The following STAU2 variants were observed in gnomAD, a reference collection of about 807,000 sequenced individuals.
STAU2 encodes staufen double-stranded RNA binding protein 2.
In STAU2, 20 loss-of-function variants were observed where a neutral mutation model predicts 65.9. The observed-to-expected ratio is 0.30, with a 90% CI of 0.21 to 0.44. STAU2 has a LOEUF of 0.44. Among genes scored for constraint, STAU2 ranks in the 20% least tolerant of loss-of-function variants. STAU2 has a pLI of 1.00. For synonymous variants in STAU2, 232 were observed against 233.9 expected, an observed-to-expected ratio of 0.99 and a Z score of 0.07; for missense variants, 558 against 683.9, an observed-to-expected ratio of 0.82 and a Z score of 2.05.
intron 11 of STAU2, among the ~76,000 whole-genome samples, chr8:73,591,883 A>T (rs1160574422): frequency 3.8e-3 from 65 of 17,280 alleles, no homozygotes; most frequent in Non-Finnish European, 5.2e-3. Flanking sequence ...TCCCAGAGGT[A>T]AAAAAAAAAA....
At chr8:73,656,558 A>G (rs867973907) in intron 6 of STAU2, among the ~76,000 whole-genome samples, 1 of 152,360 alleles carries the variant, frequency 6.6e-6, no homozygotes, top group Middle Eastern at 3.4e-3. Flanking sequence ...TGTTTCCCTT[A>G]GCAGTTTAAT....
chr8:73,556,446 G>C (rs1442491094), intron 12 of STAU2, among the ~76,000 whole-genome samples: 2 of 152,004 alleles, frequency 1.3e-5, no homozygotes, highest in Non-Finnish European at 2.9e-5. Context: ...TTCCTATTTT[G>C]GTATTGGAAA....
intron 6 of STAU2, among the ~76,000 whole-genome samples, chr8:73,659,523 G>A (rs1816666085): frequency 6.6e-6 from 1 of 152,106 alleles, no homozygotes; most frequent in African/African-American, 2.4e-5. Context: ...GGCAACAAGA[G>A]CGAAACTCTG....
At chr8:73,658,626 A>G (rs1244370017) in intron 6 of STAU2, among the ~76,000 whole-genome samples, 2 of 152,000 alleles carry the variant, frequency 1.3e-5, no homozygotes, top group Non-Finnish European at 2.9e-5. Flanking sequence ...TTTAAAAACC[A>G]TACTTATGCC....
intron 9 of STAU2, among the ~76,000 whole-genome samples, chr8:73,605,173 T>C (rs1811917731): frequency 6.6e-6 from 1 of 152,064 alleles, no homozygotes; most frequent in South Asian, 2.1e-4. Context: ...ATATAGTATA[T>C]TTTATGTAAA....
At chr8:73,601,623 C>CT (rs1309406022) in intron 10 of STAU2, among the ~76,000 whole-genome samples, 1 of 152,120 alleles carries the variant, frequency 6.6e-6, no homozygotes, top group Non-Finnish European at 1.5e-5. Context: ...TGCTGCAATA[C>CT]TGTAATGAAT....
intron 7 of STAU2, 37 bp from the exon 8 acceptor site, chr8:73,615,819 C>T (rs375382782): frequency 6.8e-7 from 1 of 1,475,522 alleles, no homozygotes; most frequent in South Asian, 1.1e-5. Flanking sequence ...TGAATCTTGA[C>T]ATTATAACAA....
intron 4 of STAU2, among the ~76,000 whole-genome samples, chr8:73,702,366 G>A (rs1820172575): frequency 6.6e-6 from 1 of 152,072 alleles, no homozygotes; most frequent in African/African-American, 2.4e-5. Context: ...TGGGGTCTCA[G>A]GTACAAAGAG....
At chr8:73,582,132 T>C (rs1014031028) in intron 12 of STAU2, among the ~76,000 whole-genome samples, 8 of 152,194 alleles carry the variant, frequency 5.3e-5, no homozygotes, top group African/African-American at 1.9e-4. Context: ...TCATATACAT[T>C]TGAAAAAAAT....
chr8:73,551,524 G>A (rs1279876186), intron 13 of STAU2: 1 of 987,136 alleles, frequency 1.0e-6, no homozygotes, highest in African/African-American at 1.7e-5. Flanking sequence ...CTTCTAGAAT[G>A]TTGTATCTTA....
intron 6 of STAU2, among the ~76,000 whole-genome samples, chr8:73,669,804 T>C (rs1817538047): frequency 6.6e-6 from 1 of 152,206 alleles, no homozygotes; most frequent in Non-Finnish European, 1.5e-5. Context: ...CAGGGATTAG[T>C]GTCTGACTTT....
At chr8:73,463,551 T>C (rs1287306212) in intron 13 of STAU2, among the ~76,000 whole-genome samples, 4 of 152,268 alleles carry the variant, frequency 2.6e-5, no homozygotes, top group Non-Finnish European at 5.9e-5. Flanking sequence ...TAAGTTTTTC[T>C]AAGTGCTCAA....
At chr8:73,504,890 T>C (rs1821975244) in intron 13 of STAU2, among the ~76,000 whole-genome samples, 2 of 152,162 alleles carry the variant, frequency 1.3e-5, no homozygotes, top group South Asian at 4.1e-4. Flanking sequence ...CTTTTTTGTA[T>C]ACATCTATAA....
intron 6 of STAU2, among the ~76,000 whole-genome samples, chr8:73,659,665 G>A (rs551225680): frequency 1.3e-5 from 2 of 152,228 alleles, no homozygotes; most frequent in East Asian, 3.9e-4. Context: ...TGGTGAAAGA[G>A]CATTGCTTCA....
At chr8:73,445,878 G>T (rs1436836360) in intron 13 of STAU2, among the ~76,000 whole-genome samples, 1 of 152,224 alleles carries the variant, frequency 6.6e-6, no homozygotes, top group African/African-American at 2.4e-5. Context: ...CTTCTGATGG[G>T]AATGTAAACT....
intron 13 of STAU2, among the ~76,000 whole-genome samples, chr8:73,502,066 T>C (rs1446946644): frequency 6.6e-6 from 1 of 151,928 alleles, no homozygotes; most frequent in Non-Finnish European, 1.5e-5. Context: ...GTGGAAAACA[T>C]TTTCTTAAAA....
intron 13 of STAU2, among the ~76,000 whole-genome samples, chr8:73,433,910 G>A (rs1033238095): frequency 1.3e-5 from 2 of 151,864 alleles, no homozygotes; most frequent in African/African-American, 2.4e-5. Flanking sequence ...CACACGGCAC[G>A]CTCACTCTGT....
chr8:73,699,171 A>G (rs1586299185), intron 4 of STAU2, among the ~76,000 whole-genome samples: 2 of 152,096 alleles, frequency 1.3e-5, no homozygotes, highest in Non-Finnish European at 2.9e-5. Context: ...GATACAGCAA[A>G]AGCAGTACTC....
Position 73,588,450 on chromosome 8 carries a change from C to T in STAU2, c.1162-5620G>A, listed in dbSNP as rs559127340. Among the ~76,000 whole-genome samples the T allele has an allele frequency of 3.3e-5, 5 of 152,334 alleles. No individual in the cohort carries two copies. The East Asian group carries it at 9.7e-4, about 29-fold the overall frequency. On this transcript the variant is annotated intron_variant, in intron 11 of 14. Transcript: ENST00000524300. ...TGGATTCTCAGAAGGACAACTGGGG[C>T]TACAGCTGCAGACCAGAGAGAGCCC... is the stretch of plus-strand genomic sequence containing the variant.
Sources: gnomAD v4.1 joint callset for allele counts (sites outside exome capture counted in the v4.1 genomes callset) on GRCh38, gnomAD v4.1.1 for gene constraint, MANE v1.5 for transcripts, NCBI Gene and HGNC (gene_info 2026-07-23, HGNC 2026-07-21) for gene names.